CCT8: variants seen among roughly 807,000 people sequenced by gnomAD.
CCT8 encodes the protein T-complex protein 1 subunit theta.
Under a neutral mutation model 65.7 loss-of-function variants are expected in CCT8, and 10 were observed. That is an observed-to-expected ratio of 0.15 (90% CI 0.09 to 0.26). The LOEUF (loss-of-function observed/expected upper bound fraction) is 0.26, where lower values mean the gene tolerates loss of function less well. Among genes scored for constraint, CCT8 ranks in the 10% least tolerant of loss-of-function variants. CCT8 has a pLI of 1.00. For missense variants in CCT8, 568 were observed against 669.1 expected (o/e 0.85, Z 1.67); for synonymous variants, 199 against 221.8 (o/e 0.90, Z 0.92).
At chr21:29,057,608 A>G (rs1381083071) in intron 14 of CCT8, among the ~76,000 whole-genome samples, 5 of 123,954 alleles carry the variant, frequency 4.0e-5, no homozygotes, top group Admixed American at 2.4e-4. Context: ...TACAAAAACT[A>G]AAAATATATA....
intron 14 of CCT8, among the ~76,000 whole-genome samples, 184 bp from the exon 15 acceptor site, chr21:29,056,736 C>T (rs577309758): frequency 1.3e-5 from 2 of 152,304 alleles, no homozygotes; most frequent in South Asian, 2.1e-4. Flanking sequence ...AAACTTTCAG[C>T]GCATGAGAAA....
chr21:29,063,570 C>T (rs1374222052), intron 7 of CCT8, 40 bp from the exon 8 acceptor site: 3 of 1,591,024 alleles, frequency 1.9e-6, no homozygotes, highest in East Asian at 2.2e-5. Flanking sequence ...AATCATTTCA[C>T]TACGTTGGTG....
Position 29,056,399 on chromosome 21 carries a change from G to T in CCT8, c.*76C>A. ...CACAAAATAACTCTTAATTTAAGGA[G>T]AATAAGAAAACATCAGGTGATTCTT... On this transcript the variant is annotated 3_prime_UTR_variant, in exon 15 of 15. Coordinates refer to ENST00000286788, the MANE Select transcript of CCT8 (RefSeq NM_006585.4). 1.4e-6 allele frequency: 1 copy of T among 709,908 alleles called. No homozygotes were observed. Among genetic ancestry groups the T allele is most frequent in the Non-Finnish European group, 2.2e-6 (1 of 458,654 alleles). 44.0% of individuals were successfully genotyped at this position (709,908 alleles called of 1,614,324 possible). A position where few individuals can be genotyped will look rare whatever the true frequency, so the allele number is the denominator to read the frequency against.
chr21:29,063,602 TTGAC>T lies in CCT8; in HGVS notation c.763-76_763-73del. On this transcript the variant is annotated intron_variant, in intron 7 of 14. Coordinates refer to ENST00000286788, the MANE Select transcript of CCT8 (RefSeq NM_006585.4). ...GGTGTTCAAAGTCATTAGATAATAG[TTGAC>T]TGAAGAAATAAAGGTTTGGCAAAAA... is the stretch of plus-strand genomic sequence containing the variant. The T allele has an allele frequency of 4.1e-6, 6 of 1,464,488 alleles. No homozygotes were observed. In the South Asian group the frequency reaches 7.1e-5, roughly 17 times the overall value. 90.7% of individuals were successfully genotyped at this position (1,464,488 alleles called of 1,614,324 possible).
Position 29,065,111 on chromosome 21 carries a change from G to T in CCT8, c.625-6C>A. On this transcript the variant is annotated splice_region_variant and splice_polypyrimidine_tract_variant and intron_variant, in intron 6 of 14. Coordinates refer to ENST00000286788, the MANE Select transcript of CCT8 (RefSeq NM_006585.4). ...GAGGAACTGATACCAGAGCCCTAAG[G>T]AATTGAATACCAAACTCATCAGCAA... The T allele has an allele frequency of 6.2e-7, 1 of 1,613,186 alleles. No individual in the cohort carries two copies. The highest frequency in any genetic ancestry group is 8.5e-7 in the Non-Finnish European group (1 of 1,179,596).
Position 29,056,559 on chromosome 21 carries a change from A to G in CCT8, c.1570-7T>C, listed in dbSNP as rs2085501063. 6.5e-7 allele frequency: 1 copy of G among 1,541,258 alleles called. No homozygotes were observed. Among genetic ancestry groups the G allele is most frequent in the South Asian group, 1.2e-5 (1 of 81,034 alleles). On this transcript the variant is annotated splice_polypyrimidine_tract_variant and splice_region_variant and intron_variant, in intron 14 of 14. Coordinates refer to ENST00000286788, the MANE Select transcript of CCT8 (RefSeq NM_006585.4). The stretch of plus-strand genomic sequence containing the variant: ...CTGGTTTTGCCATGATGATCTGCAT[A>G]AAAAAGAATCACACAAGAGTATGCT...
rs191361058 is a variant in CCT8 at position 29,057,193 on chromosome 21, G to A, written c.1570-641C>T. ...TTTTTTTTTTTTTTCTTTTTGAGAC[G>A]GAGTCTTGCTCTGTTGCCCAGGCTA... On this transcript the variant is annotated intron_variant, in intron 14 of 14. Coordinates refer to ENST00000286788, the MANE Select transcript of CCT8 (RefSeq NM_006585.4). Among the ~76,000 whole-genome samples, 81 of 146,728 alleles carry A rather than the reference G, an allele frequency of 5.5e-4. 1 individual carries two copies. In the East Asian group the frequency reaches 0.014, roughly 26 times the overall value.
intron 14 of CCT8, among the ~76,000 whole-genome samples, chr21:29,058,592 TC>T (rs1270345595): frequency 1.1e-5 from 1 of 93,784 alleles, no homozygotes; most frequent in African/African-American, 5.0e-5. Flanking sequence ...CTGTATTTCT[TC>T]TTTTTTTTTT....
At chr21:29,059,724 CTAAA>C (rs1310407027) in intron 14 of CCT8, 2 of 152,126 alleles carry the variant, frequency 1.3e-5, no homozygotes, top group Non-Finnish European at 2.9e-5. Context: ...TGACTTGAAA[CTAAA>C]TATCCAGTTC....
chr21:29,068,552 C>T (rs778874186), intron 3 of CCT8, among the ~76,000 whole-genome samples: 1 of 152,020 alleles, frequency 6.6e-6, no homozygotes. Flanking sequence ...CTCCGCCTCC[C>T]AGGTTCAAGC....
chr21:29,068,975 CAG>C (rs1169330631), intron 3 of CCT8, among the ~76,000 whole-genome samples: 1 of 152,180 alleles, frequency 6.6e-6, no homozygotes, highest in African/African-American at 2.4e-5. Flanking sequence ...TGCTGGCAGG[CAG>C]TATCTATTTT....
intron 13 of CCT8, among the ~76,000 whole-genome samples, chr21:29,060,901 A>T (rs1225546489): frequency 6.6e-6 from 1 of 152,202 alleles, no homozygotes. Context: ...ATCTATGCAC[A>T]TCCTCTCATA....
chr21:29,062,699 G>A, intron 8 of CCT8, 143 bp from the exon 9 acceptor site: 1 of 674,588 alleles, frequency 1.5e-6, no homozygotes, highest in South Asian at 1.9e-5. Flanking sequence ...TGTCTGGATT[G>A]CAATGAACAC....
At chr21:29,072,989 C>T (rs918614081) in intron 1 of CCT8, among the ~76,000 whole-genome samples, 2 of 152,156 alleles carry the variant, frequency 1.3e-5, no homozygotes, top group African/African-American at 4.8e-5. Flanking sequence ...GACCGGAACT[C>T]ATTTGGCTAC....
chr21:29,062,544 T>C lies in CCT8; in HGVS notation c.954A>G (p.Lys318=). The change falls in exon 9 of 15, where the codon AAA becomes AAG. Residue 318 remains lysine, a synonymous_variant. Transcript: ENST00000286788. ...YNIMLVRLNS[K]WDLRRLCKTV... ...TTTTACAAAGTCTTCGGAGATCCCA[T>C]TTTGAGTTTAGCCTTTAAAAAACAC... 14 of 1,613,510 alleles carry C rather than the reference T, an allele frequency of 8.7e-6. No individual in the cohort carries two copies. The highest frequency in any genetic ancestry group is 1.2e-5 in the Non-Finnish European group (14 of 1,179,666).
Position 29,069,344 on chromosome 21 carries a change from A to C in CCT8, c.231+79T>G, listed in dbSNP as rs147727964. Reference sequence around the variant, plus strand: ...AATAGTCCCTTATCCAATCTGAAATAAGAGATTTCTTCTAGTTAAAATCTA... The same window carrying C: ...AATAGTCCCTTATCCAATCTGAAATCAGAGATTTCTTCTAGTTAAAATCTA... On this transcript the variant is annotated intron_variant, in intron 3 of 14. Transcript: ENST00000286788. 461 of 750,434 alleles carry C rather than the reference A, an allele frequency of 6.1e-4. 1 individual carries two copies. In the African/African-American group the frequency reaches 7.6e-3, roughly 12 times the overall value. The allele number at this position is 750,434 out of a possible 1,614,324, so 46.5% of individuals were successfully genotyped here. A position where few individuals can be genotyped will look rare whatever the true frequency, so the allele number is the denominator to read the frequency against.
At chr21:29,062,671 G>A (rs2085577404) in intron 8 of CCT8, 115 bp from the exon 9 acceptor site, 1 of 781,258 alleles carries the variant, frequency 1.3e-6, no homozygotes, top group South Asian at 1.7e-5. Context: ...CTTTGACAAT[G>A]GATTTTAACT....
chr21:29,065,624 G>T (rs939354202), intron 6 of CCT8, among the ~76,000 whole-genome samples: 1 of 152,058 alleles, frequency 6.6e-6, no homozygotes, highest in Non-Finnish European at 1.5e-5. Context: ...CCACTGATAG[G>T]TTTTACTCTA....
chr21:29,062,316 A>T lies in CCT8; in HGVS notation c.1096+12T>A. ...GCCCTACACTTAAACATGTTTTACC[A>T]TTCCTACATACCATGCTTAAAAACC... is the stretch of plus-strand genomic sequence containing the variant. On this transcript the variant is annotated intron_variant, in intron 10 of 14. Coordinates refer to ENST00000286788, the MANE Select transcript of CCT8 (RefSeq NM_006585.4). 1 of 1,610,118 alleles carries T rather than the reference A, an allele frequency of 6.2e-7. No individual in the cohort carries two copies. Among genetic ancestry groups the T allele is most frequent in the Non-Finnish European group, 8.5e-7 (1 of 1,176,352 alleles).
Sources: allele counts gnomAD v4.1 joint callset (sites outside exome capture counted in the v4.1 genomes callset), GRCh38; gene constraint gnomAD v4.1.1; transcripts MANE v1.5; gene names NCBI Gene and HGNC (gene_info 2026-07-23, HGNC 2026-07-21).